The following ACAN variants were observed in gnomAD, a reference collection of about 807,000 sequenced individuals.
The protein encoded by ACAN is aggrecan.
ACAN carries 47 observed loss-of-function variants against 169.1 expected under a neutral mutation model. The observed-to-expected ratio is 0.28, with a 90% CI of 0.22 to 0.35. The LOEUF is 0.35. ACAN is among the 10% of genes least tolerant of loss of function. The pLI is 1.00. For synonymous variants in ACAN, 1,115 were observed against 1,112.2 expected, an observed-to-expected ratio of 1.00 and a Z score of -0.05; for missense variants, 2,716 against 2,759.9, an observed-to-expected ratio of 0.98 and a Z score of 0.36.
Position 88,843,700 on chromosome 15 carries a change from CTAG to C in ACAN, c.1051+53_1051+55del. ...GAGTTCATGCCACTAAAATGGGGTC[CTAG>C]AGGGAAGAGGGGATCTTGGAAAGGG... On this transcript the variant is annotated intron_variant, in intron 6 of 18. Coordinates refer to ENST00000560601, the MANE Select transcript of ACAN (RefSeq NM_001369268.1). This position sits in a 1 kb window ranked among gnomAD's most constrained non-coding sequence, Gnocchi z 4.0. 6.6e-7 allele frequency: 1 copy of C among 1,516,998 alleles called. No individual in the cohort carries two copies. Among genetic ancestry groups the C allele is most frequent in the Non-Finnish European group, 8.9e-7 (1 of 1,128,296 alleles). 94.0% of individuals were successfully genotyped at this position (1,516,998 alleles called of 1,614,324 possible). A position where few individuals can be genotyped will look rare whatever the true frequency, so the allele number is the denominator to read the frequency against.
chr15:88,852,303 A>G (rs1371939870), intron 11 of ACAN, among the ~76,000 whole-genome samples: 1 of 152,176 alleles, frequency 6.6e-6, no homozygotes, highest in Non-Finnish European at 1.5e-5. Context: ...TGAACCCCCA[A>G]ATGCCCAGGA....
chr15:88,831,439 A>T (rs536023279), intron 1 of ACAN, among the ~76,000 whole-genome samples: 1 of 152,360 alleles, frequency 6.6e-6, no homozygotes, highest in South Asian at 2.1e-4. Flanking sequence ...GTGAGCCTCC[A>T]GTCCCATCCT....
chr15:88,854,932 G>T lies in ACAN; in HGVS notation c.2347G>T (p.Ala783Ser). 6.3e-7 allele frequency: 1 copy of T among 1,593,650 alleles called. No homozygotes were observed. Among genetic ancestry groups the T allele is most frequent in the Non-Finnish European group, 8.5e-7 (1 of 1,171,170 alleles). The change falls in exon 12 of 19, where the codon GCC (alanine) becomes TCC (serine). Residue 783 changes from alanine (A) to serine (S), a missense_variant. Coordinates refer to ENST00000560601, the MANE Select transcript of ACAN (RefSeq NM_001369268.1). ...EGPSATEVPS[A>S]SEEPSPSEVP... ...CCCTTCTGCAACTGAAGTGCCCTCT[G>T]CCTCAGAGGAACCATCCCCCTCAGA...
rs763266861 is a variant in ACAN, at chr15:88,871,551, C to A, written c.7219+11C>A. 2 of 1,606,758 alleles carry A rather than the reference C, an allele frequency of 1.2e-6. No homozygotes were observed. The highest frequency in any genetic ancestry group is 1.7e-6 in the Non-Finnish European group (2 of 1,176,832). On this transcript the variant is annotated intron_variant, in intron 15 of 18. Coordinates refer to ENST00000560601, the MANE Select transcript of ACAN (RefSeq NM_001369268.1). The surrounding 1 kb of genome is among the most constrained non-coding windows in gnomAD (Gnocchi z 7.8). ...AGGAGTTTGTCAACAGTGAGTGCGG[C>A]GGGGCCTCTGGAGCCTGAGAGGAGA...
In ACAN at chr15:88,854,991, A is replaced by G. The variant is rs1897015303; in HGVS notation, c.2406A>G (p.Ser802=). ...TCCCCTCAGAGGAGCCATCCCCCTC[A>G]GAGGAACCATTCCCCTCAGTGAGGC... ...VPFPSEEPSP[S]EEPFPSVRPF... The change falls in exon 12 of 19, where the codon TCA becomes TCG. Residue 802 remains serine (S), a synonymous_variant. Coordinates refer to ENST00000560601, the MANE Select transcript of ACAN (RefSeq NM_001369268.1). The G allele has an allele frequency of 6.3e-7, 1 of 1,596,690 alleles. No homozygotes were observed. Among genetic ancestry groups the G allele is most frequent in the Middle Eastern group, 1.7e-4 (1 of 5,980 alleles).
rs1897407240 is a variant in ACAN, at chr15:88,872,615, G to GGGGT, written c.7303-266_7303-265insGGGT. ...GGTGTGGAATCAGCTCATGTACAGA[G>GGGGT]CCTGTGAGTCTTGGGGGTTCTGAGC... On this transcript the variant is annotated intron_variant, in intron 16 of 18. Coordinates refer to ENST00000560601, the MANE Select transcript of ACAN (RefSeq NM_001369268.1). The surrounding 1 kb of genome is among the most constrained non-coding windows in gnomAD (Gnocchi z 5.4). Among the ~76,000 whole-genome samples the GGGGT allele has an allele frequency of 3.3e-5, 5 of 152,164 alleles. No individual in the cohort carries two copies. Among genetic ancestry groups the GGGGT allele is most frequent in the African/African-American group, 7.2e-5 (3 of 41,444 alleles).
chr15:88,841,381 G>C lies in ACAN; in HGVS notation c.630-359G>C, dbSNP rs371682700. On this transcript the variant is annotated intron_variant, in intron 4 of 18. Transcript: ENST00000560601. ...TGCTTCTGTAAATAAAGTTTTATTG[G>C]GACACAGTCACACCCATTTGCATAT... Among the ~76,000 whole-genome samples the C allele has an allele frequency of 5.3e-5, 8 of 152,274 alleles. No homozygotes were observed. In the East Asian group the frequency reaches 1.2e-3, roughly 22 times the overall value.
At position 88,851,715 on chromosome 15, in the gene ACAN, G is replaced by A; in HGVS notation, c.2027-79G>A. ...GGCCTGGCCACCTCAGAGTCCCCTA[G>A]CTCCCCTCAAGAAGGGCCAGCCAAG... On this transcript the variant is annotated intron_variant, in intron 10 of 18. Transcript: ENST00000560601. This position sits in a 1 kb window ranked among gnomAD's most constrained non-coding sequence, Gnocchi z 4.3. The A allele has an allele frequency of 6.8e-7, 1 of 1,478,102 alleles. No individual in the cohort carries two copies. 91.6% of individuals were successfully genotyped at this position (1,478,102 alleles called of 1,614,324 possible). A position where few individuals can be genotyped will look rare whatever the true frequency, so the allele number is the denominator to read the frequency against.
intron 1 of ACAN, among the ~76,000 whole-genome samples, chr15:88,822,315 C>T (rs930055995): frequency 2.0e-5 from 3 of 152,186 alleles, no homozygotes; most frequent in African/African-American, 7.2e-5. Context: ...TTTCTTCGGG[C>T]AAAGTTAATC....
intron 1 of ACAN, 58 bp from the exon 2 acceptor site, chr15:88,836,142 T>C: frequency 7.9e-7 from 1 of 1,259,954 alleles, no homozygotes; most frequent in South Asian, 1.2e-5. Context: ...CACATGACTC[T>C]GCTTGACCTC....
chr15:88,836,297 G>GT, intron 2 of ACAN, 21 bp downstream of exon 2: 1 of 1,600,296 alleles, frequency 6.2e-7, no homozygotes, highest in Non-Finnish European at 8.6e-7. Context: ...TCCTATACAT[G>GT]TTTCACGTAT....
chr15:88,821,557 T>A (rs1896076665), intron 1 of ACAN, among the ~76,000 whole-genome samples: 1 of 152,186 alleles, frequency 6.6e-6, no homozygotes, highest in Non-Finnish European at 1.5e-5. Flanking sequence ...GTCTTCCATA[T>A]GGTGAGTGTT....
At position 88,849,601 on chromosome 15, in the gene ACAN, C is replaced by T; in HGVS notation, c.1896C>T (p.Leu632=). ...CYAGWLADGS[L]RYPIVTPRPA... is the part of the protein sequence containing the mutation. ...CCGGCTGGCTGGCCGACGGCAGCCT[C>T]CGCTACCCCATCGTCACCCCAAGGC... is the stretch of plus-strand genomic sequence containing the variant. The change falls in exon 10 of 19, where the codon CTC becomes CTT. Residue 632 remains leucine (L), a synonymous_variant. Transcript: ENST00000560601. This position sits in a 1 kb window ranked among gnomAD's most constrained non-coding sequence, Gnocchi z 5.1. 6.2e-7 allele frequency: 1 copy of T among 1,610,236 alleles called. No homozygotes were observed. The highest frequency in any genetic ancestry group is 1.1e-5 in the South Asian group (1 of 90,736).
chr15:88,818,503 C>T (rs1895996708), intron 1 of ACAN, among the ~76,000 whole-genome samples: 1 of 152,180 alleles, frequency 6.6e-6, no homozygotes, highest in African/African-American at 2.4e-5. Context: ...GCCCCAGTTC[C>T]CTTGTTTCTC....
intron 1 of ACAN, among the ~76,000 whole-genome samples, chr15:88,830,943 A>G (rs1349324059): frequency 6.6e-6 from 1 of 152,190 alleles, no homozygotes; most frequent in African/African-American, 2.4e-5. Flanking sequence ...TTACAGGACC[A>G]TCATCGTAGG....
At chr15:88,813,686 C>T (rs1246718625) in intron 1 of ACAN, among the ~76,000 whole-genome samples, 2 of 152,206 alleles carry the variant, frequency 1.3e-5, no homozygotes, top group East Asian at 3.8e-4. Flanking sequence ...ATTTCCTTTA[C>T]ATCTTTTGAG....
intron 1 of ACAN, among the ~76,000 whole-genome samples, chr15:88,832,342 G>A (rs1172402828): frequency 6.6e-6 from 1 of 151,828 alleles, no homozygotes; most frequent in Non-Finnish European, 1.5e-5. Context: ...AGGTACCATG[G>A]CTCACACCTG....
chr15:88,831,968 G>T (rs1184298377), intron 1 of ACAN, among the ~76,000 whole-genome samples: 1 of 152,156 alleles, frequency 6.6e-6, no homozygotes, highest in Non-Finnish European at 1.5e-5. Context: ...TGTTTTGGGT[G>T]GCTTCTGATG....
chr15:88,849,946 A>G lies in ACAN; in HGVS notation c.2026+215A>G. 3 of 703,570 alleles carry G rather than the reference A, an allele frequency of 4.3e-6. No individual in the cohort carries two copies. The South Asian group carries it at 4.8e-5, about 11-fold the overall frequency. 43.6% of individuals were successfully genotyped at this position (703,570 alleles called of 1,614,324 possible). The stretch of plus-strand genomic sequence containing the variant: ...GTTCCCCAGAGACAAGTAGAGATAA[A>G]TAAGAACTTGAGCTGGTATTTATGT... On this transcript the variant is annotated intron_variant, in intron 10 of 18. Transcript: ENST00000560601. The surrounding 1 kb of genome is among the most constrained non-coding windows in gnomAD (Gnocchi z 5.1).
Sources: gnomAD v4.1 joint callset for allele counts (sites outside exome capture counted in the v4.1 genomes callset) on GRCh38, gnomAD v4.1.1 for gene constraint, Gnocchi (gnomAD v3.1) non-coding constraint, MANE v1.5 for transcripts, NCBI Gene and HGNC (gene_info 2026-07-23, HGNC 2026-07-21) for gene names.